The following SLC5A4 variants were observed in gnomAD, a reference collection of about 807,000 sequenced individuals.
The protein encoded by SLC5A4 is probable glucose sensor protein SLC5A4.
A neutral mutation model predicts 70.3 loss-of-function variants in SLC5A4; 55 were observed. The ratio of observed to expected loss-of-function variants is 0.78; its 90% CI spans 0.63 to 0.98. The LOEUF is 0.98. Among genes scored for constraint, SLC5A4 ranks in the 50% least tolerant of loss-of-function variants. The pLI is 0.00. For synonymous variants in SLC5A4, 268 were observed against 305.7 expected (o/e 0.88, Z 1.29); for missense variants, 735 against 839.2 (o/e 0.88, Z 1.53).
the SLC5A4 span, among the ~76,000 whole-genome samples, chr22:32,334,955 G>A: frequency 1.6e-4 from 24 of 152,170 alleles, no homozygotes; most frequent in African/African-American, 4.8e-4. Context: ...GGCAGTGAAG[G>A]TCCAGAAGGG....
the SLC5A4 span, among the ~76,000 whole-genome samples, chr22:32,351,105 A>T: frequency 6.6e-6 from 1 of 152,158 alleles, no homozygotes; most frequent in Non-Finnish European, 1.5e-5. Flanking sequence ...GCTTATGCAG[A>T]TGACAATACT....
chr22:32,318,089 C>A, the SLC5A4 span, among the ~76,000 whole-genome samples: 22 of 152,248 alleles, frequency 1.4e-4, no homozygotes, highest in African/African-American at 4.3e-4. Context: ...CACTGCACTC[C>A]CCTCTCCTGG....
the SLC5A4 span, among the ~76,000 whole-genome samples, chr22:32,274,144 G>A: frequency 2.6e-5 from 4 of 150,972 alleles, no homozygotes; most frequent in East Asian, 2.0e-4. Context: ...GGTTCACACC[G>A]TTCTCCCGCT....
the SLC5A4 span, among the ~76,000 whole-genome samples, chr22:32,277,827 C>T: frequency 6.6e-6 from 1 of 152,188 alleles, no homozygotes; most frequent in African/African-American, 2.4e-5. Context: ...AGATTACAGG[C>T]GTGAGCCACC....
At chr22:32,321,162 T>C in the SLC5A4 span, among the ~76,000 whole-genome samples, 1 of 152,220 alleles carries the variant, frequency 6.6e-6, no homozygotes, top group Non-Finnish European at 1.5e-5. Context: ...GGCGTGCACC[T>C]GTAATCCCAG....
At chr22:32,254,237 A>G in intron 1 of SLC5A4, 24 bp from the exon 2 acceptor site, 1 of 1,597,908 alleles carries the variant, frequency 6.3e-7, no homozygotes, top group African/African-American at 1.3e-5. Context: ...AAGACAGGTG[A>G]GGGTCAAGCC....
chr22:32,314,530 C>A, the SLC5A4 span, among the ~76,000 whole-genome samples: 159 of 152,084 alleles, frequency 1.0e-3, 2 homozygotes, highest in Admixed American at 2.2e-3. Context: ...TTCCCATGAC[C>A]CCTTCTTAAA....
rs149865154 is a variant in SLC5A4 at position 32,235,031 on chromosome 22, C to T, written c.727G>A (p.Val243Ile). Reference protein sequence around the residue: ...TEKYVNATPSVVEGDNLTISA... With the variant: ...TEKYVNATPSIVEGDNLTISA... ...ATTGTCAAGTTGTCCCCCTCGACTACGGATGGGGTGGCATTCACGTACTTC... is the reference window on the plus strand; with the variant it reads ...ATTGTCAAGTTGTCCCCCTCGACTATGGATGGGGTGGCATTCACGTACTTC... Residue 243 changes from valine (V) to isoleucine (I), a missense_variant, in exon 8 of 15, where the codon GTA becomes ATA. Transcript: ENST00000266086. 2,866 of 1,613,776 alleles carry T rather than the reference C, an allele frequency of 1.8e-3. 4 individuals carry two copies. The highest frequency in any genetic ancestry group is 2.2e-3 in the Non-Finnish European group (2,586 of 1,179,928).
At chr22:32,262,823 G>C in the SLC5A4 span, among the ~76,000 whole-genome samples, 1 of 151,994 alleles carries the variant, frequency 6.6e-6, no homozygotes, top group East Asian at 1.9e-4. Context: ...AGGCTGGAGT[G>C]CAGTGGCGTG....
chr22:32,354,227 A>G, the SLC5A4 span, among the ~76,000 whole-genome samples: 1 of 108,274 alleles, frequency 9.2e-6, no homozygotes, highest in African/African-American at 3.6e-5. Flanking sequence ...GGCCCCCAGT[A>G]GCACTCCCAA....
intron 9 of SLC5A4, 29 bp from the exon 10 acceptor site, chr22:32,231,104 T>C (rs1925735606): frequency 7.0e-7 from 1 of 1,426,330 alleles, no homozygotes; most frequent in Non-Finnish European, 9.9e-7. Context: ...GTGAGTCCAA[T>C]GAGGCCCAAA....
At chr22:32,236,482 C>G (rs1382695572) in intron 7 of SLC5A4, among the ~76,000 whole-genome samples, 1 of 152,134 alleles carries the variant, frequency 6.6e-6, no homozygotes, top group African/African-American at 2.4e-5. Context: ...TTAGAATACA[C>G]AAACACAGGT....
chr22:32,338,313 A>T, the SLC5A4 span, among the ~76,000 whole-genome samples: 1 of 151,394 alleles, frequency 6.6e-6, no homozygotes, highest in African/African-American at 2.5e-5. Flanking sequence ...GAGAGGAAAT[A>T]CAGTTAACAA....
the SLC5A4 span, among the ~76,000 whole-genome samples, chr22:32,266,475 C>T: frequency 6.6e-6 from 1 of 152,198 alleles, no homozygotes; most frequent in Non-Finnish European, 1.5e-5. Flanking sequence ...CCTGTTCACA[C>T]TTTACAGATT....
chr22:32,335,057 GCC>G, the SLC5A4 span, among the ~76,000 whole-genome samples: 1 of 152,166 alleles, frequency 6.6e-6, no homozygotes, highest in Non-Finnish European at 1.5e-5. Context: ...GGCCCATCCT[GCC>G]TCCAAGAGAT....
chr22:32,218,909 A>C (rs1211749871), intron 14 of SLC5A4, among the ~76,000 whole-genome samples, 184 bp from the exon 15 acceptor site: 2 of 152,216 alleles, frequency 1.3e-5, no homozygotes, highest in Non-Finnish European at 2.9e-5. Context: ...GCATGGCACG[A>C]AGTTCAATAA....
the SLC5A4 span, among the ~76,000 whole-genome samples, chr22:32,330,538 G>A: frequency 7.3e-6 from 1 of 137,086 alleles, no homozygotes; most frequent in Non-Finnish European, 1.6e-5. Flanking sequence ...CTGTGTTGGG[G>A]GCTCTGGTGT....
In SLC5A4 at chr22:32,247,567, G is replaced by A. The variant is rs376333381; in HGVS notation, c.373-52C>T. On this transcript the variant is annotated intron_variant, in intron 4 of 14. Transcript: ENST00000266086. ...TTAACTTACCCTTAGGGCCCTGTGC[G>A]TTCAGATTATTCAGCATTTCCTAAG... The A allele has an allele frequency of 1.4e-4, 162 of 1,163,934 alleles. 2 individuals carry two copies. Among genetic ancestry groups the A allele is most frequent in the Middle Eastern group, 5.8e-4 (3 of 5,134 alleles). The allele number at this position is 1,163,934 out of a possible 1,614,324, so 72.1% of individuals were successfully genotyped here. A position where few individuals can be genotyped will look rare whatever the true frequency, so the allele number is the denominator to read the frequency against.
chr22:32,334,523 C>G, the SLC5A4 span, among the ~76,000 whole-genome samples: 4 of 152,336 alleles, frequency 2.6e-5, no homozygotes, highest in Admixed American at 1.3e-4. Context: ...TGCCTCCATT[C>G]CTGCTGGTTG....
Sources: allele counts gnomAD v4.1 joint callset (sites outside exome capture counted in the v4.1 genomes callset), GRCh38; gene constraint gnomAD v4.1.1; transcripts MANE v1.5; gene names NCBI Gene and HGNC (gene_info 2026-07-23, HGNC 2026-07-21).